GRM7: variants seen among roughly 807,000 people sequenced by gnomAD.
GRM7 encodes the protein metabotropic glutamate receptor 7.
In GRM7, 35 loss-of-function variants were observed where a neutral mutation model predicts 84.5. The observed-to-expected ratio is 0.41, with a 90% confidence interval of 0.32 to 0.55. The LOEUF (loss-of-function observed/expected upper bound fraction) is 0.55. GRM7 is among the 20% of genes least tolerant of loss of function. GRM7 has a pLI of 0.19. For synonymous variants in GRM7, 487 were observed against 455.1 expected (o/e 1.07, Z -0.89); for missense variants, 1,003 against 1,194.6 (o/e 0.84, Z 2.36).
chr3:7,336,453 G>A (rs1052642615), intron 4 of GRM7, among the ~76,000 whole-genome samples: 69 of 151,920 alleles, frequency 4.5e-4, no homozygotes, highest in African/African-American at 1.6e-3. Flanking sequence ...ATGGGGAAAA[G>A]TTGAAACCAT....
intron 7 of GRM7, among the ~76,000 whole-genome samples, chr3:7,529,521 CA>C (rs1700944870): frequency 6.6e-6 from 1 of 152,030 alleles, no homozygotes; most frequent in African/African-American, 2.4e-5. Flanking sequence ...ACTATTGGGT[CA>C]AGATCATTAA....
chr3:7,516,476 C>CAAAAAA (rs34508559), intron 7 of GRM7, among the ~76,000 whole-genome samples: 58 of 42,436 alleles, frequency 1.4e-3, no homozygotes, highest in Admixed American at 2.2e-3. Flanking sequence ...GACTCCCTCT[C>CAAAAAA]AAAAAAAAAA....
chr3:7,110,430 A>G (rs141142946), intron 1 of GRM7, among the ~76,000 whole-genome samples: 3 of 152,076 alleles, frequency 2.0e-5, no homozygotes, highest in African/African-American at 7.2e-5. Flanking sequence ...GTGAAACCCC[A>G]TTTCTACTAA....
chr3:7,441,835 A>G (rs528481807), intron 5 of GRM7, among the ~76,000 whole-genome samples: 2 of 151,972 alleles, frequency 1.3e-5, no homozygotes, highest in Admixed American at 6.6e-5. Context: ...CCATTGGTCT[A>G]TGTGTCTGTT....
chr3:7,411,752 A>C (rs779864), intron 4 of GRM7, among the ~76,000 whole-genome samples: 1 of 152,144 alleles, frequency 6.6e-6, no homozygotes, highest in Admixed American at 6.5e-5. Flanking sequence ...GTATTACCAC[A>C]CTACACATTC....
intron 1 of GRM7, among the ~76,000 whole-genome samples, chr3:6,990,931 C>T (rs942424751): frequency 3.9e-5 from 6 of 152,166 alleles, no homozygotes; most frequent in African/African-American, 1.2e-4. Flanking sequence ...AGGCCAGGAG[C>T]GGTGGTAGGA....
At chr3:7,650,809 C>A (rs528823872) in intron 8 of GRM7, among the ~76,000 whole-genome samples, 8 of 152,230 alleles carry the variant, frequency 5.3e-5, no homozygotes, top group Non-Finnish European at 1.2e-4. Flanking sequence ...CCTTAGCCTC[C>A]TGGCTCCAAG....
Position 6,867,954 on chromosome 3 carries a change from A to T in GRM7, c.519+6047A>T, listed in dbSNP as rs1185182170. On this transcript the variant is annotated intron_variant, in intron 1 of 9. Transcript: ENST00000357716. The stretch of plus-strand genomic sequence containing the variant: ...TTGAATCACATTATTAGATTACAAA[A>T]TCAAAAATCAAATATATGAATTTCA... 1.3e-5 allele frequency among the ~76,000 whole-genome samples: 2 copies of T among 152,210 alleles called. 1 individual carries two copies. The highest frequency in any genetic ancestry group is 2.9e-5 in the Non-Finnish European group (2 of 68,036).
At chr3:7,541,081 G>A (rs1040175623) in intron 7 of GRM7, among the ~76,000 whole-genome samples, 2 of 152,052 alleles carry the variant, frequency 1.3e-5, no homozygotes, top group Non-Finnish European at 2.9e-5. Flanking sequence ...TGATATGGGG[G>A]CCAGGAAAAG....
At chr3:7,720,254 C>T (rs977104752) in intron 9 of GRM7, among the ~76,000 whole-genome samples, 16 of 152,154 alleles carry the variant, frequency 1.1e-4, no homozygotes, top group African/African-American at 3.9e-4. Flanking sequence ...CACATTGTGA[C>T]CTGGGCAATA....
At chr3:7,197,777 G>A (rs1306737507) in intron 2 of GRM7, among the ~76,000 whole-genome samples, 2 of 151,822 alleles carry the variant, frequency 1.3e-5, no homozygotes, top group East Asian at 3.8e-4. Context: ...CCAGTTAGTG[G>A]TGTATATAGT....
intron 7 of GRM7, among the ~76,000 whole-genome samples, chr3:7,536,840 C>T (rs1195693124): frequency 1.3e-5 from 2 of 152,182 alleles, no homozygotes; most frequent in African/African-American, 4.8e-5. Flanking sequence ...GAGATAGAAT[C>T]ATTTGACTAT....
At chr3:6,949,480 C>A (rs1047662344) in intron 1 of GRM7, among the ~76,000 whole-genome samples, 2 of 151,990 alleles carry the variant, frequency 1.3e-5, no homozygotes, top group African/African-American at 4.8e-5. Context: ...TCTCTGGTTG[C>A]CCTTAACATT....
chr3:7,332,845 C>A (rs1042894961), intron 4 of GRM7, among the ~76,000 whole-genome samples: 1 of 151,524 alleles, frequency 6.6e-6, no homozygotes, highest in African/African-American at 2.4e-5. Context: ...ACTGCCTAAC[C>A]CTGCCCCTAC....
chr3:7,137,957 T>C (rs897007249), intron 1 of GRM7, among the ~76,000 whole-genome samples: 1 of 152,046 alleles, frequency 6.6e-6, no homozygotes, highest in Non-Finnish European at 1.5e-5. Flanking sequence ...CTTTAAGAAA[T>C]GTAAATGTAA....
chr3:7,067,248 A>T (rs1697701270), intron 1 of GRM7, among the ~76,000 whole-genome samples: 1 of 151,936 alleles, frequency 6.6e-6, no homozygotes, highest in Non-Finnish European at 1.5e-5. Context: ...TTTGCTGATG[A>T]TATGATCTTT....
chr3:7,102,540 A>G (rs778928368), intron 1 of GRM7, among the ~76,000 whole-genome samples: 36 of 151,708 alleles, frequency 2.4e-4, no homozygotes, highest in Middle Eastern at 3.4e-3. Context: ...TTTTCTTCGT[A>G]TTTATCCTGC....
At chr3:7,306,679 G>C in intron 4 of GRM7, 27 bp downstream of exon 4, 1 of 1,551,802 alleles carries the variant, frequency 6.4e-7, no homozygotes, top group Non-Finnish European at 8.7e-7. Flanking sequence ...CAGTAGGTTT[G>C]CTGAGAGAAG....
chr3:7,634,508 G>A (rs1282163888), intron 8 of GRM7, among the ~76,000 whole-genome samples: 24 of 82,362 alleles, frequency 2.9e-4, no homozygotes, highest in African/African-American at 1.5e-3. Context: ...AAAAAGGGCT[G>A]GGCTCCATGG....
Sources: gnomAD v4.1 joint callset for allele counts (sites outside exome capture counted in the v4.1 genomes callset) on GRCh38, gnomAD v4.1.1 for gene constraint, MANE v1.5 for transcripts, NCBI Gene and HGNC (gene_info 2026-07-23, HGNC 2026-07-21) for gene names.